The following KIF1B variants were observed in gnomAD, a reference collection of about 807,000 sequenced individuals.
KIF1B encodes the protein kinesin-like protein KIF1B.
KIF1B carries 76 observed loss-of-function variants against 241.9 expected under a neutral mutation model. The ratio of observed to expected loss-of-function variants is 0.31; its 90% CI spans 0.26 to 0.38. The LOEUF (loss-of-function observed/expected upper bound fraction) is 0.38. KIF1B is among the 10% of genes least tolerant of loss of function. The pLI is 1.00. For missense variants in KIF1B, 1,622 were observed against 2,271.4 expected, an observed-to-expected ratio of 0.71 and a Z score of 5.81; for synonymous variants, 750 against 796.7, an observed-to-expected ratio of 0.94 and a Z score of 0.99.
At chr1:10,262,913 G>A (rs1329564548) in intron 5 of KIF1B, among the ~76,000 whole-genome samples, 1 of 152,018 alleles carries the variant, frequency 6.6e-6, no homozygotes. Flanking sequence ...TATCCATCCT[G>A]TGTTTACCCT....
rs1638907619 is a variant in KIF1B, at chr1:10,376,893, TGA to T, written c.*308_*309del. Reference sequence around the variant, plus strand: ...TACACAGACAAAAACACAAAAACTCTGAGGGGATCTGGTGAATCTCCAAATTA... The same window carrying T: ...TACACAGACAAAAACACAAAAACTCTGGGGATCTGGTGAATCTCCAAATTA... On this transcript the variant is annotated 3_prime_UTR_variant, in exon 49 of 49. Coordinates refer to ENST00000676179, the MANE Select transcript of KIF1B (RefSeq NM_001365951.3). The T allele has an allele frequency of 1.4e-5, 6 of 431,338 alleles. No homozygotes were observed. The South Asian group carries it at 1.4e-4, about 10-fold the overall frequency. The allele number at this position is 431,338 out of a possible 1,614,324, so 26.7% of individuals were successfully genotyped here. A position where few individuals can be genotyped will look rare whatever the true frequency, so the allele number is the denominator to read the frequency against.
At position 10,309,662 on chromosome 1, in the gene KIF1B, C is replaced by T. The variant is rs886356181; in HGVS notation, c.2116-10381C>T. 5.3e-5 allele frequency among the ~76,000 whole-genome samples: 8 copies of T among 151,548 alleles called. No individual in the cohort carries two copies. The East Asian group carries it at 7.7e-4, about 15-fold the overall frequency. ...TAATTGTACCACCATCATCTCTCAT[C>T]GAGAGTACCCTAGCTTGTCTCTTTG... On this transcript the variant is annotated intron_variant, in intron 22 of 48. Coordinates refer to ENST00000676179, the MANE Select transcript of KIF1B (RefSeq NM_001365951.3).
rs1218038610 is a variant in KIF1B at position 10,360,804 on chromosome 1, T to G, written c.4056-125T>G. The G allele has an allele frequency of 1.1e-5, 8 of 743,172 alleles. No homozygotes were observed. In the East Asian group the frequency reaches 1.8e-4, roughly 17 times the overall value. 46.0% of individuals were successfully genotyped at this position (743,172 alleles called of 1,614,324 possible). A position where few individuals can be genotyped will look rare whatever the true frequency, so the allele number is the denominator to read the frequency against. ...TAAGGGTTCCTCTCTGTTATTAGAG[T>G]TTGATAAACTGAAAGTGTCTGTTGG... On this transcript the variant is annotated intron_variant, in intron 38 of 48. Transcript: ENST00000676179.
At chr1:10,348,414 A>G (rs1652665542) in intron 36 of KIF1B, among the ~76,000 whole-genome samples, 2 of 152,220 alleles carry the variant, frequency 1.3e-5, no homozygotes, top group Admixed American at 6.5e-5. Context: ...TCTTAAAACC[A>G]TAGAGAAAAA....
At chr1:10,370,241 C>T (rs1240236447) in intron 44 of KIF1B, among the ~76,000 whole-genome samples, 2 of 152,148 alleles carry the variant, frequency 1.3e-5, no homozygotes, top group Non-Finnish European at 2.9e-5. Flanking sequence ...CAGAGCGAGA[C>T]TTCGTCTCTC....
At chr1:10,223,570 C>T (rs1646873148) in intron 1 of KIF1B, among the ~76,000 whole-genome samples, 1 of 131,032 alleles carries the variant, frequency 7.6e-6, no homozygotes, top group Admixed American at 8.4e-5. Context: ...TTTTTTTAGA[C>T]GGAGTCTTAC....
At chr1:10,227,866 T>G (rs1646930285) in intron 1 of KIF1B, 2 of 154,548 alleles carry the variant, frequency 1.3e-5, no homozygotes. Context: ...TCTTCTGCAT[T>G]TATTAGCTAG....
At chr1:10,375,783 C>CTTTT (rs1638866583) in intron 48 of KIF1B, among the ~76,000 whole-genome samples, 1 of 101,836 alleles carries the variant, frequency 9.8e-6, no homozygotes, top group Non-Finnish European at 2.0e-5. Flanking sequence ...TTTTTCTTTT[C>CTTTT]TTGTTTTTTT....
At chr1:10,259,165 T>C in intron 4 of KIF1B, among the ~76,000 whole-genome samples, 1 of 152,068 alleles carries the variant, frequency 6.6e-6, no homozygotes, top group East Asian at 1.9e-4. Flanking sequence ...TTTTTTTTTT[T>C]TTTAGAACAG....
At chr1:10,257,324 A>T (rs1429079858) in intron 3 of KIF1B, among the ~76,000 whole-genome samples, 2 of 132,864 alleles carry the variant, frequency 1.5e-5, no homozygotes. Context: ...AAAAAAAAAA[A>T]TTAGGTGGGC....
intron 1 of KIF1B, among the ~76,000 whole-genome samples, chr1:10,228,455 G>A (rs139501270): frequency 1.1e-4 from 17 of 152,274 alleles, no homozygotes; most frequent in African/African-American, 3.6e-4. Flanking sequence ...ACAAGAGAAC[G>A]TTCTTGCTAT....
intron 6 of KIF1B, 100 bp downstream of exon 6, chr1:10,267,658 T>G (rs1648541544): frequency 8.7e-7 from 1 of 1,151,010 alleles, no homozygotes; most frequent in African/African-American, 1.5e-5. Flanking sequence ...CTATGAAAGT[T>G]GCTTTAATTG....
chr1:10,304,742 T>C (rs1160997709), intron 22 of KIF1B: 1 of 1,551,288 alleles, frequency 6.4e-7, no homozygotes, highest in Non-Finnish European at 8.7e-7. Flanking sequence ...TGAGTTCTTA[T>C]TATTTACATT....
intron 37 of KIF1B, among the ~76,000 whole-genome samples, chr1:10,349,622 G>A (rs553277764): frequency 6.6e-6 from 1 of 151,460 alleles, no homozygotes; most frequent in Non-Finnish European, 1.5e-5. Flanking sequence ...AAAATTAGAG[G>A]GTTTTTTTTT....
chr1:10,294,506 G>A (rs1297556015), intron 17 of KIF1B, among the ~76,000 whole-genome samples: 1 of 152,142 alleles, frequency 6.6e-6, no homozygotes, highest in Admixed American at 6.5e-5. Context: ...GAATTGGCCT[G>A]TCATTTTTTC....
intron 43 of KIF1B, among the ~76,000 whole-genome samples, chr1:10,367,214 G>A (rs1446049887): frequency 6.6e-6 from 1 of 151,386 alleles, no homozygotes; most frequent in African/African-American, 2.4e-5. Flanking sequence ...TCCTTCCTCA[G>A]CCTCCCAAGT....
At chr1:10,343,344 C>T (rs191286074) in intron 34 of KIF1B, 57 bp downstream of exon 34, 1 of 1,514,762 alleles carries the variant, frequency 6.6e-7, no homozygotes, top group African/African-American at 1.4e-5. Context: ...ATGTCTTATT[C>T]TGAATGACTT....
intron 22 of KIF1B, among the ~76,000 whole-genome samples, chr1:10,302,428 C>T (rs1419294849): frequency 6.6e-6 from 1 of 152,176 alleles, no homozygotes; most frequent in East Asian, 1.9e-4. Context: ...TTTCCAAACC[C>T]TCTTGTCTTA....
chr1:10,365,005 CA>C lies in KIF1B; in HGVS notation c.4367-79del, dbSNP rs57088720. ...TGGGCAACAGAGCGAGACTCCATCT[CA>C]AAAAAAAAAAAAAAAGAATTATTAA... On this transcript the variant is annotated intron_variant, in intron 41 of 48. Coordinates refer to ENST00000676179, the MANE Select transcript of KIF1B (RefSeq NM_001365951.3). This position sits in a 1 kb window ranked among gnomAD's most constrained non-coding sequence, Gnocchi z 4.0. 0.085 allele frequency: 70,296 copies of C among 828,008 alleles called. No individual in the cohort carries two copies. The highest frequency in any genetic ancestry group is 0.13 in the East Asian group (3,481 of 26,482). 51.3% of individuals were successfully genotyped at this position (828,008 alleles called of 1,614,324 possible).
Sources: allele counts gnomAD v4.1 joint callset (sites outside exome capture counted in the v4.1 genomes callset), GRCh38; gene constraint gnomAD v4.1.1; non-coding constraint Gnocchi (gnomAD v3.1); transcripts MANE v1.5; gene names NCBI Gene and HGNC (gene_info 2026-07-23, HGNC 2026-07-21).